The following DACH2 variants were observed in gnomAD, a reference collection of about 807,000 sequenced individuals.
DACH2 encodes dachshund homolog 2.
DACH2 carries 17 observed loss-of-function variants against 35.8 expected under a neutral mutation model. The observed-to-expected ratio is 0.48, with a 90% CI of 0.33 to 0.71. The LOEUF (loss-of-function observed/expected upper bound fraction) is 0.71. DACH2 is among the 30% of genes least tolerant of loss of function. DACH2 has a pLI of 0.02. For missense variants in DACH2, 469 were observed against 472.7 expected, an observed-to-expected ratio of 0.99 and a Z score of 0.07; for synonymous variants, 195 against 177.3, an observed-to-expected ratio of 1.10 and a Z score of -0.79.
chrX:86,643,875 C>T (rs1214809947), intron 3 of DACH2, among the ~76,000 whole-genome samples: 3 of 111,533 alleles, frequency 2.7e-5, no homozygotes, highest in African/African-American at 9.8e-5. Context: ...AAATGATTAT[C>T]TCTATAGACG....
At chrX:86,469,195 G>A (rs2037723513) in intron 2 of DACH2, among the ~76,000 whole-genome samples, 1 of 110,978 alleles carries the variant, frequency 9.0e-6, no homozygotes. Flanking sequence ...GTTACCAGAG[G>A]CTGGATGATG....
intron 7 of DACH2, among the ~76,000 whole-genome samples, chrX:86,787,751 CTTG>C (rs200783038): frequency 0.031 from 3,415 of 111,388 alleles, 127 homozygotes; most frequent in African/African-American, 0.1. Flanking sequence ...TGTAATGCAA[CTTG>C]TTATTTTGTT....
intron 11 of DACH2, among the ~76,000 whole-genome samples, chrX:86,818,127 G>A (rs1055991053): frequency 9.0e-6 from 1 of 111,473 alleles, no homozygotes; most frequent in South Asian, 3.7e-4. Flanking sequence ...ATTAAATAAG[G>A]TTCCACATAA....
chrX:86,481,106 C>T (rs2037929252), intron 2 of DACH2: 2 of 111,927 alleles, frequency 1.8e-5, no homozygotes, highest in African/African-American at 6.5e-5. Flanking sequence ...AAGGCATGCA[C>T]ATTCGTGGAA....
chrX:86,828,908 T>G (rs1248581831), intron 11 of DACH2: 5 of 111,702 alleles, frequency 4.5e-5, no homozygotes, highest in Non-Finnish European at 7.5e-5. Flanking sequence ...AAACAATATA[T>G]AATCCATTGT....
At position 86,593,400 on chromosome X, in the gene DACH2, TTTA is replaced by T. The variant is rs1172475041; in HGVS notation, c.641-57633_641-57631del. Among the ~76,000 whole-genome samples, 111 of 51,650 alleles carry T rather than the reference TTTA, an allele frequency of 2.1e-3. 1 individual carries two copies. The highest frequency in any genetic ancestry group is 0.012 in the African/African-American group (104 of 8,793). 44.9% of individuals were successfully genotyped at this position (51,650 alleles called of 115,157 possible). A position where few individuals can be genotyped will look rare whatever the true frequency, so the allele number is the denominator to read the frequency against. On this transcript the variant is annotated intron_variant, in intron 3 of 11. Transcript: ENST00000373125. ...TGTAATTCTTTCATATATATATTTTTTTATTTTATTTTATTTTATTTTATTTTA... is the reference window on the plus strand; with the variant it reads ...TGTAATTCTTTCATATATATATTTTTTTTTATTTTATTTTATTTTATTTTA...
chrX:86,734,062 C>T (rs922922616), intron 6 of DACH2, among the ~76,000 whole-genome samples: 5 of 110,510 alleles, frequency 4.5e-5, no homozygotes, highest in African/African-American at 1.6e-4. Context: ...AACTTGGAAA[C>T]CATGCATTTT....
Position 86,651,154 on chromosome X carries a change from T to G in DACH2, c.759T>G (p.Leu253=). 1 of 1,208,667 alleles carries G rather than the reference T, an allele frequency of 8.3e-7. No homozygotes were observed. Among genetic ancestry groups the G allele is most frequent in the Non-Finnish European group, 1.1e-6 (1 of 894,067 alleles). The change falls in exon 4 of 12, where the codon CTT becomes CTG. Residue 253 remains leucine (L), a synonymous_variant. Transcript: ENST00000373125. ...GGACCGAATCAGAGCCTGATGATCT[T>G]AATTCTAACACAGGTGAGTGTCTTC... ...QNGTESEPDD[L]NSNTGGSESS...
chrX:86,480,140 A>G (rs2037916100), intron 2 of DACH2, among the ~76,000 whole-genome samples: 1 of 112,183 alleles, frequency 8.9e-6, no homozygotes, highest in Admixed American at 9.4e-5. Flanking sequence ...TCATGTATTC[A>G]AAAGAACCTG....
At chrX:86,624,050 AAAAACAAAAC>A (rs1461795405) in intron 3 of DACH2, among the ~76,000 whole-genome samples, 1,171 of 63,987 alleles carry the variant, frequency 0.018, 83 homozygotes, top group South Asian at 0.052. Flanking sequence ...TCCGTCTCAA[AAAAACAAAAC>A]AAAAAAAAAA....
At chrX:86,742,842 G>C (rs1348466001) in intron 7 of DACH2, 1 of 117,644 alleles carries the variant, frequency 8.5e-6, no homozygotes, top group African/African-American at 3.2e-5. Context: ...ATTCATACCA[G>C]ATTTGGATAA....
chrX:86,518,127 C>T (rs1309783345), intron 3 of DACH2, among the ~76,000 whole-genome samples: 1 of 112,226 alleles, frequency 8.9e-6, no homozygotes, highest in Non-Finnish European at 1.9e-5. Context: ...AGCAAATTAT[C>T]AAAGTGCCAT....
intron 1 of DACH2, among the ~76,000 whole-genome samples, chrX:86,229,646 C>T (rs760726546): frequency 1.1e-4 from 12 of 110,282 alleles, no homozygotes; most frequent in African/African-American, 3.9e-4. Flanking sequence ...TTTCTGGTAG[C>T]AGTGTTTTGT....
At chrX:86,176,626 A>T (rs2031312812) in intron 1 of DACH2, among the ~76,000 whole-genome samples, 1 of 111,954 alleles carries the variant, frequency 8.9e-6, no homozygotes, top group African/African-American at 3.2e-5. Context: ...TGTTGGAATT[A>T]AGAACTCTGA....
intron 3 of DACH2, among the ~76,000 whole-genome samples, chrX:86,598,634 CTT>C (rs1169394435): frequency 9.1e-6 from 1 of 110,393 alleles, no homozygotes; most frequent in Admixed American, 9.6e-5. Context: ...TGTGGCTTAG[CTT>C]TTTTCTCTCA....
intron 1 of DACH2, among the ~76,000 whole-genome samples, chrX:86,195,795 A>G (rs760203372): frequency 9.9e-5 from 11 of 111,267 alleles, no homozygotes; most frequent in Non-Finnish European, 2.1e-4. Flanking sequence ...GTCCCCCTGC[A>G]TTAGAGCACC....
intron 4 of DACH2, among the ~76,000 whole-genome samples, chrX:86,682,293 G>A (rs771955403): frequency 1.3e-4 from 15 of 112,010 alleles, no homozygotes; most frequent in South Asian, 3.7e-4. Flanking sequence ...TATATGCCTC[G>A]TATCAGTAAC....
At chrX:86,619,688 C>T (rs185682512) in intron 3 of DACH2, among the ~76,000 whole-genome samples, 15 of 111,818 alleles carry the variant, frequency 1.3e-4, no homozygotes, top group Admixed American at 4.8e-4. Flanking sequence ...CTTTTTCCCA[C>T]GCAAACTGTG....
At chrX:86,372,658 C>T (rs2035904790) in intron 1 of DACH2, among the ~76,000 whole-genome samples, 1 of 110,411 alleles carries the variant, frequency 9.1e-6, no homozygotes, top group Admixed American at 9.7e-5. Flanking sequence ...AAATTTCAAC[C>T]TTATTTTAGA....
Sources: gnomAD v4.1 joint callset for allele counts (sites outside exome capture counted in the v4.1 genomes callset) on GRCh38, gnomAD v4.1.1 for gene constraint, MANE v1.5 for transcripts, NCBI Gene and HGNC (gene_info 2026-07-23, HGNC 2026-07-21) for gene names.